CFAP95: variants seen among roughly 807,000 people sequenced by gnomAD.
CFAP95 encodes cilia- and flagella-associated protein 95.
the CFAP95 span, among the ~76,000 whole-genome samples, chr9:69,872,375 T>A: frequency 2.0e-5 from 3 of 152,168 alleles, no homozygotes; most frequent in African/African-American, 7.2e-5. Context: ...ACCAAAGAAT[T>A]CAATTCCTCA....
At chr9:69,850,554 T>C in the CFAP95 span, among the ~76,000 whole-genome samples, 1 of 152,250 alleles carries the variant, frequency 6.6e-6, no homozygotes, top group Non-Finnish European at 1.5e-5. Flanking sequence ...ATTCAATTAT[T>C]TACTTAATTG....
At chr9:69,829,617 T>G in the CFAP95 span, among the ~76,000 whole-genome samples, 1 of 152,198 alleles carries the variant, frequency 6.6e-6, no homozygotes, top group African/African-American at 2.4e-5. Context: ...CTTGTTGTAA[T>G]GCTGCTGTAG....
At chr9:69,851,619 T>C in the CFAP95 span, among the ~76,000 whole-genome samples, 1 of 152,136 alleles carries the variant, frequency 6.6e-6, no homozygotes, top group Non-Finnish European at 1.5e-5. Context: ...ATTGAGACTA[T>C]TTTGTGACAA....
chr9:69,877,184 C>T, the CFAP95 span, among the ~76,000 whole-genome samples: 1 of 152,160 alleles, frequency 6.6e-6, no homozygotes, highest in Non-Finnish European at 1.5e-5. Flanking sequence ...CATCACGTGA[C>T]TCACTCTTTC....
the CFAP95 span, among the ~76,000 whole-genome samples, chr9:69,848,164 A>G: frequency 2.6e-5 from 4 of 152,306 alleles, no homozygotes; most frequent in South Asian, 8.3e-4. Context: ...GGTCAGAGGA[A>G]GCAGAGCAGA....
At chr9:69,853,221 AT>A in the CFAP95 span, among the ~76,000 whole-genome samples, 3 of 152,188 alleles carry the variant, frequency 2.0e-5, no homozygotes, top group Non-Finnish European at 4.4e-5. Flanking sequence ...CCTGAAATAT[AT>A]AACCTGAGAA....
the CFAP95 span, among the ~76,000 whole-genome samples, chr9:69,833,078 T>C: frequency 1.3e-5 from 2 of 152,206 alleles, no homozygotes; most frequent in African/African-American, 4.8e-5. Flanking sequence ...CAATGGCTTT[T>C]AGTATTCACC....
the CFAP95 span, among the ~76,000 whole-genome samples, chr9:69,835,451 T>C: frequency 1.3e-5 from 2 of 152,230 alleles, no homozygotes; most frequent in African/African-American, 4.8e-5. Context: ...GATTTATAAT[T>C]TCTCTGGAGA....
the CFAP95 span, among the ~76,000 whole-genome samples, chr9:69,897,547 G>T: frequency 6.6e-6 from 1 of 152,016 alleles, no homozygotes; most frequent in African/African-American, 2.4e-5. Context: ...AGAAATGAAA[G>T]GTCCTAAAGA....
chr9:69,851,663 A>T, the CFAP95 span, among the ~76,000 whole-genome samples: 1 of 152,174 alleles, frequency 6.6e-6, no homozygotes. Flanking sequence ...TGATCATGAA[A>T]AAATGAGACT....
the CFAP95 span, among the ~76,000 whole-genome samples, chr9:69,850,191 G>C: frequency 6.6e-6 from 1 of 152,208 alleles, no homozygotes; most frequent in Non-Finnish European, 1.5e-5. Flanking sequence ...ATATGATGCT[G>C]TGTCATAGAA....
At chr9:69,855,841 CA>C in the CFAP95 span, among the ~76,000 whole-genome samples, 1 of 152,136 alleles carries the variant, frequency 6.6e-6, no homozygotes, top group African/African-American at 2.4e-5. Context: ...ACAACAACAA[CA>C]ACAGAAAGTC....
chr9:69,870,652 A>G, the CFAP95 span, among the ~76,000 whole-genome samples: 1 of 152,226 alleles, frequency 6.6e-6, no homozygotes, highest in African/African-American at 2.4e-5. Context: ...GGACTGTGGC[A>G]TGGCCACCCA....
At chr9:69,863,605 C>A in the CFAP95 span, among the ~76,000 whole-genome samples, 13 of 152,120 alleles carry the variant, frequency 8.5e-5, no homozygotes, top group African/African-American at 3.1e-4. Context: ...GTCCATAGAA[C>A]CAGATGATTG....
chr9:69,826,516 C>T, the CFAP95 span, among the ~76,000 whole-genome samples: 2 of 152,164 alleles, frequency 1.3e-5, no homozygotes, highest in African/African-American at 4.8e-5. Flanking sequence ...AGTAAGGACC[C>T]TTGGTAACAA....
At chr9:69,881,246 A>G in the CFAP95 span, among the ~76,000 whole-genome samples, 3 of 152,130 alleles carry the variant, frequency 2.0e-5, no homozygotes, top group African/African-American at 7.2e-5. Context: ...GCCCAGACCA[A>G]TGTCCTGGAG....
chr9:69,889,518 G>T, the CFAP95 span, among the ~76,000 whole-genome samples: 1 of 152,162 alleles, frequency 6.6e-6, no homozygotes, highest in Admixed American at 6.5e-5. Flanking sequence ...AGACAGTTTA[G>T]ACACTCCTGT....
the CFAP95 span, chr9:69,856,606 G>C: frequency 6.2e-7 from 1 of 1,612,536 alleles, no homozygotes; most frequent in Non-Finnish European, 8.5e-7. Flanking sequence ...TTTAAACACA[G>C]AATGGGTTGA....
chr9:69,840,562 T>C, the CFAP95 span, among the ~76,000 whole-genome samples: 4 of 152,336 alleles, frequency 2.6e-5, no homozygotes, highest in South Asian at 8.3e-4. Context: ...CCTAACATAA[T>C]AAAGTCAGAG....
Sources: allele counts gnomAD v4.1 joint callset (sites outside exome capture counted in the v4.1 genomes callset), GRCh38; gene constraint gnomAD v4.1.1; transcripts MANE v1.5; gene names NCBI Gene and HGNC (gene_info 2026-07-23, HGNC 2026-07-21).